The following CDKAL1 variants were observed in gnomAD, a reference collection of about 807,000 sequenced individuals.
CDKAL1 encodes the protein CDKAL1 threonylcarbamoyladenosine tRNA methylthiotransferase.
CDKAL1 carries 32 observed loss-of-function variants against 68.2 expected under a neutral mutation model. The ratio of observed to expected loss-of-function variants is 0.47; its 90% confidence interval spans 0.35 to 0.63. CDKAL1 has a LOEUF of 0.63. CDKAL1 is among the 30% of genes least tolerant of loss of function. CDKAL1 has a pLI of 0.00. For synonymous variants in CDKAL1, 234 were observed against 244.3 expected, an observed-to-expected ratio of 0.96 and a Z score of 0.39; for missense variants, 606 against 696.7, an observed-to-expected ratio of 0.87 and a Z score of 1.47.
chr6:20,687,889 T>A (rs898848872), intron 5 of CDKAL1, among the ~76,000 whole-genome samples: 6 of 152,220 alleles, frequency 3.9e-5, no homozygotes, highest in South Asian at 4.1e-4. Flanking sequence ...ATTTTTTTTT[T>A]TAATTTCTTG....
intron 9 of CDKAL1, among the ~76,000 whole-genome samples, chr6:20,934,426 A>G (rs900993874): frequency 4.6e-5 from 7 of 152,220 alleles, no homozygotes; most frequent in African/African-American, 1.4e-4. Flanking sequence ...ATGTAGACCA[A>G]TAATGAATCA....
intron 15 of CDKAL1, among the ~76,000 whole-genome samples, chr6:21,209,673 G>A (rs1779077656): frequency 6.6e-6 from 1 of 152,112 alleles, no homozygotes; most frequent in Non-Finnish European, 1.5e-5. Flanking sequence ...AATCTAAAAG[G>A]GATCCCTTAA....
chr6:21,010,483 T>G (rs913762340), intron 11 of CDKAL1, among the ~76,000 whole-genome samples: 11 of 152,184 alleles, frequency 7.2e-5, no homozygotes, highest in African/African-American at 2.7e-4. Flanking sequence ...TTTCATCACT[T>G]GCTGCAGGCA....
chr6:21,118,175 C>A (rs979119304), intron 13 of CDKAL1, among the ~76,000 whole-genome samples: 3 of 152,174 alleles, frequency 2.0e-5, no homozygotes, highest in African/African-American at 4.8e-5. Context: ...TTAATGACTT[C>A]TTTGTAGCTG....
At chr6:20,705,118 C>G (rs964468384) in intron 5 of CDKAL1, among the ~76,000 whole-genome samples, 1 of 152,164 alleles carries the variant, frequency 6.6e-6, no homozygotes, top group South Asian at 2.1e-4. Flanking sequence ...ACAAAATGAT[C>G]AAGTTCCTGT....
chr6:21,065,469 A>C (rs9465961), intron 12 of CDKAL1, among the ~76,000 whole-genome samples: 1 of 151,672 alleles, frequency 6.6e-6, no homozygotes, highest in Non-Finnish European at 1.5e-5. Context: ...GGGGAAAAAA[A>C]TTTTTAATTA....
intron 10 of CDKAL1, among the ~76,000 whole-genome samples, chr6:20,961,159 A>G (rs1765037222): frequency 6.6e-6 from 1 of 152,210 alleles, no homozygotes; most frequent in South Asian, 2.1e-4. Context: ...TTGCAGCACT[A>G]TGCACAATCA....
intron 7 of CDKAL1, among the ~76,000 whole-genome samples, chr6:20,773,972 G>A (rs761683320): frequency 2.6e-5 from 4 of 152,154 alleles, no homozygotes; most frequent in Non-Finnish European, 5.9e-5. Context: ...CTGACCCAGA[G>A]CTAGGGTTCA....
chr6:20,867,056 G>C (rs561171793), intron 9 of CDKAL1, among the ~76,000 whole-genome samples: 1 of 152,306 alleles, frequency 6.6e-6, no homozygotes, highest in South Asian at 2.1e-4. Flanking sequence ...TACCGTGAAA[G>C]TCTGTGGAGA....
At chr6:21,223,475 G>A (rs1779609840) in intron 15 of CDKAL1, among the ~76,000 whole-genome samples, 1 of 152,180 alleles carries the variant, frequency 6.6e-6, no homozygotes. Flanking sequence ...CCTATCCTCT[G>A]CCTTTCTCGC....
chr6:21,071,686 A>T (rs1324862506), intron 12 of CDKAL1, among the ~76,000 whole-genome samples: 2 of 151,348 alleles, frequency 1.3e-5, no homozygotes, highest in Non-Finnish European at 2.9e-5. Context: ...TTTATTTTTT[A>T]AAAACCTGTA....
intron 4 of CDKAL1, among the ~76,000 whole-genome samples, chr6:20,603,472 G>A (rs1766193737): frequency 6.6e-6 from 1 of 152,150 alleles, no homozygotes; most frequent in African/African-American, 2.4e-5. Flanking sequence ...CTGTTCCATT[G>A]CTTCCACTCC....
chr6:20,584,037 G>T, intron 4 of CDKAL1, among the ~76,000 whole-genome samples: 1 of 141,216 alleles, frequency 7.1e-6, no homozygotes. Context: ...GCAATATTCT[G>T]CTGGTTTCCT....
At chr6:20,981,751 GAATT>G (rs1766161241) in intron 10 of CDKAL1, among the ~76,000 whole-genome samples, 3 of 152,206 alleles carry the variant, frequency 2.0e-5, no homozygotes, top group Admixed American at 2.0e-4. Context: ...TGAGGCAGGA[GAATT>G]GCTTGAACCT....
chr6:20,937,781 A>G (rs893703320), intron 9 of CDKAL1, among the ~76,000 whole-genome samples: 3 of 151,970 alleles, frequency 2.0e-5, no homozygotes, highest in East Asian at 3.9e-4. Flanking sequence ...AAGGTACATG[A>G]TGTTAAGATT....
chr6:21,223,941 G>A (rs1779631356), intron 15 of CDKAL1, among the ~76,000 whole-genome samples: 1 of 152,214 alleles, frequency 6.6e-6, no homozygotes, highest in African/African-American at 2.4e-5. Context: ...TTCACGGTCA[G>A]CCAGCCACAC....
At chr6:20,598,674 TTAA>T (rs1561954493) in intron 4 of CDKAL1, among the ~76,000 whole-genome samples, 2 of 152,330 alleles carry the variant, frequency 1.3e-5, no homozygotes, top group Admixed American at 6.5e-5. Flanking sequence ...TTATCAGCTC[TTAA>T]TAATTAATTA....
chr6:20,943,343 A>G (rs1320271029), intron 9 of CDKAL1, among the ~76,000 whole-genome samples: 2 of 73,172 alleles, frequency 2.7e-5, no homozygotes, highest in African/African-American at 5.5e-5. Flanking sequence ...AAAAAAAAAA[A>G]AGAAAAAGAA....
At chr6:20,851,765 A>G (rs1759026480) in intron 9 of CDKAL1, among the ~76,000 whole-genome samples, 1 of 151,682 alleles carries the variant, frequency 6.6e-6, no homozygotes. Flanking sequence ...GATACTATCT[A>G]GTATGTATAA....
Sources: gnomAD v4.1 joint callset for allele counts (sites outside exome capture counted in the v4.1 genomes callset) on GRCh38, gnomAD v4.1.1 for gene constraint, MANE v1.5 for transcripts, NCBI Gene and HGNC (gene_info 2026-07-23, HGNC 2026-07-21) for gene names.